Variants in CDH10 observed in about 807,000 individuals in gnomAD.
CDH10 encodes the protein cadherin 10.
CDH10 carries 30 observed loss-of-function variants against 73.1 expected under a neutral mutation model. That is an observed-to-expected ratio of 0.41 (90% CI 0.31 to 0.56). The LOEUF (loss-of-function observed/expected upper bound fraction) is 0.56, where lower values mean the gene tolerates loss of function less well. CDH10 is among the 20% of genes least tolerant of loss of function. CDH10 has a pLI of 0.27. For synonymous variants in CDH10, 345 were observed against 348.2 expected (o/e 0.99, Z 0.10); for missense variants, 815 against 973.7 (o/e 0.84, Z 2.17).
At chr5:24,638,895 T>C (rs538293156) in intron 1 of CDH10, among the ~76,000 whole-genome samples, 2 of 151,922 alleles carry the variant, frequency 1.3e-5, no homozygotes, top group South Asian at 2.1e-4. Context: ...AGCAAATCAA[T>C]ATCACACTGT....
At chr5:24,535,913 C>T in intron 3 of CDH10, 91 bp from the exon 4 acceptor site, 1 of 901,970 alleles carries the variant, frequency 1.1e-6, no homozygotes. Flanking sequence ...TGATTTCTGG[C>T]TTTAATCATG....
At chr5:24,558,462 T>C (rs536301289) in intron 2 of CDH10, among the ~76,000 whole-genome samples, 1 of 151,858 alleles carries the variant, frequency 6.6e-6, no homozygotes, top group East Asian at 1.9e-4. Context: ...GAAAATCTTT[T>C]TTAAAAATTG....
chr5:24,503,365 A>G (rs1290862008), intron 8 of CDH10, among the ~76,000 whole-genome samples: 5 of 152,194 alleles, frequency 3.3e-5, no homozygotes, highest in Admixed American at 3.3e-4. Context: ...CACCATGGGA[A>G]TTAGCAAATT....
intron 2 of CDH10, among the ~76,000 whole-genome samples, chr5:24,544,534 G>A (rs915779615): frequency 2.6e-5 from 4 of 152,118 alleles, no homozygotes; most frequent in African/African-American, 9.7e-5. Context: ...CATTTGACAG[G>A]GTTCCCCAGA....
chr5:24,578,156 TGTCCAAA>T (rs1745669124), intron 2 of CDH10: 1 of 160,802 alleles, frequency 6.2e-6, no homozygotes, highest in African/African-American at 2.4e-5. Context: ...ATAAAATAGG[TGTCCAAA>T]ATGAGAAGAT....
In CDH10 at chr5:24,621,375, A is replaced by T. The variant is rs185447349; in HGVS notation, c.-124+23219T>A. ...GCTAAACAAATCAAACAACCTTCTC[A>T]GCCATAAAAAGCTCGCTTCCATTTT... On this transcript the variant is annotated intron_variant, in intron 1 of 11. Coordinates refer to ENST00000264463, the MANE Select transcript of CDH10 (RefSeq NM_006727.5). 1.6e-4 allele frequency among the ~76,000 whole-genome samples: 25 copies of T among 152,326 alleles called. No homozygotes were observed. The East Asian group carries it at 4.4e-3, about 27-fold the overall frequency.
At chr5:24,508,747 G>A (rs1015871651) in intron 7 of CDH10, among the ~76,000 whole-genome samples, 1 of 151,396 alleles carries the variant, frequency 6.6e-6, no homozygotes, top group Non-Finnish European at 1.5e-5. Flanking sequence ...TCGAACCCCT[G>A]AGCTTAAGCA....
At chr5:24,560,492 A>C (rs1303921712) in intron 2 of CDH10, among the ~76,000 whole-genome samples, 2 of 148,846 alleles carry the variant, frequency 1.3e-5, no homozygotes, top group Non-Finnish European at 3.0e-5. Context: ...GTGTTTTTTC[A>C]TTGAGGTGTG....
chr5:24,565,907 G>A (rs1745149647), intron 2 of CDH10, among the ~76,000 whole-genome samples: 1 of 152,034 alleles, frequency 6.6e-6, no homozygotes, highest in Non-Finnish European at 1.5e-5. Context: ...TTAGCCTCCA[G>A]AACAATGAGA....
intron 1 of CDH10, among the ~76,000 whole-genome samples, chr5:24,630,815 T>C (rs1747679540): frequency 6.6e-6 from 1 of 152,048 alleles, no homozygotes; most frequent in Non-Finnish European, 1.5e-5. Context: ...AAAAATTGAC[T>C]ATTACCTAGT....
At chr5:24,584,503 G>T (rs1579843167) in intron 2 of CDH10, among the ~76,000 whole-genome samples, 1 of 116,208 alleles carries the variant, frequency 8.6e-6, no homozygotes, top group African/African-American at 3.4e-5. Flanking sequence ...AGAGAGTCTT[G>T]CTCTGTTGCC....
rs762222039 is a variant in CDH10, at chr5:24,512,648, TTA to T, written c.815-1136_815-1135del. 6.6e-5 allele frequency among the ~76,000 whole-genome samples: 10 copies of T among 152,168 alleles called. 1 individual carries two copies. Among genetic ancestry groups the T allele is most frequent in the Admixed American group, 1.3e-4 (2 of 15,282 alleles). On this transcript the variant is annotated intron_variant, in intron 5 of 11. Transcript: ENST00000264463. Reference sequence around the variant, plus strand: ...CTTCATTCCAGAGAAACACAAAAATTTATGTTTTTGGTGTACCTAGATGTGCT... The same window carrying T: ...CTTCATTCCAGAGAAACACAAAAATTTGTTTTTGGTGTACCTAGATGTGCT...
intron 11 of CDH10, among the ~76,000 whole-genome samples, chr5:24,488,786 A>C (rs1741938195): frequency 8.2e-6 from 1 of 122,140 alleles, no homozygotes; most frequent in African/African-American, 2.9e-5. Flanking sequence ...TATACCTTGC[A>C]TGAGACCCCC....
At chr5:24,610,073 C>A (rs949542573) in intron 1 of CDH10, 1 of 152,210 alleles carries the variant, frequency 6.6e-6, no homozygotes, top group Non-Finnish European at 1.5e-5. Flanking sequence ...CATATTATTA[C>A]GCATACAGGA....
At chr5:24,518,649 C>A (rs543215182) in intron 5 of CDH10, among the ~76,000 whole-genome samples, 1 of 152,018 alleles carries the variant, frequency 6.6e-6, no homozygotes, top group African/African-American at 2.4e-5. Context: ...TGCAGGTTTC[C>A]CTGCCTCCAA....
At chr5:24,573,865 C>T (rs12659282) in intron 2 of CDH10, among the ~76,000 whole-genome samples, 56,501 of 147,018 alleles carry the variant, frequency 0.38, 13,228 homozygotes, top group East Asian at 0.54. Flanking sequence ...TTTATATTTA[C>T]ATATATTTCA....
intron 1 of CDH10, among the ~76,000 whole-genome samples, chr5:24,614,354 T>A (rs1459213644): frequency 6.6e-6 from 1 of 152,168 alleles, no homozygotes; most frequent in Non-Finnish European, 1.5e-5. Flanking sequence ...AAACCATACA[T>A]AAATAGAAAC....
intron 9 of CDH10, among the ~76,000 whole-genome samples, chr5:24,496,886 C>A (rs1313606252): frequency 1.3e-5 from 2 of 152,142 alleles, no homozygotes; most frequent in Non-Finnish European, 2.9e-5. Context: ...CATTTTTCAG[C>A]CTATGAGACC....
At chr5:24,624,980 T>C (rs1747445508) in intron 1 of CDH10, among the ~76,000 whole-genome samples, 1 of 152,096 alleles carries the variant, frequency 6.6e-6, no homozygotes, top group African/African-American at 2.4e-5. Context: ...ATCTATTAAA[T>C]CATGAAGAAG....
Sources: gnomAD v4.1 joint callset for allele counts (sites outside exome capture counted in the v4.1 genomes callset) on GRCh38, gnomAD v4.1.1 for gene constraint, MANE v1.5 for transcripts, NCBI Gene and HGNC (gene_info 2026-07-23, HGNC 2026-07-21) for gene names.